SAMD11: variants seen among roughly 807,000 people sequenced by gnomAD.
SAMD11 encodes sterile alpha motif domain containing 11.
SAMD11 carries 77 observed loss-of-function variants against 64.4 expected under a neutral mutation model. That is an observed-to-expected ratio of 1.20 (90% CI 0.99 to 1.44). The LOEUF (loss-of-function observed/expected upper bound fraction) is 1.44. Ranked by LOEUF, SAMD11 falls within the 40% of genes most tolerant of loss-of-function variation. The pLI is 0.00. For missense variants in SAMD11, 1,402 were observed against 943.3 expected, an observed-to-expected ratio of 1.49 and a Z score of -6.37; for synonymous variants, 658 against 421.9, an observed-to-expected ratio of 1.56 and a Z score of -6.86.
At chr1:926,153 G>A (rs1640875557) in intron 2 of SAMD11, 140 bp downstream of exon 2, 8 of 814,902 alleles carry the variant, frequency 9.8e-6, no homozygotes, top group Non-Finnish European at 1.6e-5. Context: ...AGGGCAGGGG[G>A]AAGCGGCTTT....
At chr1:931,571 G>A (rs1197453844) in intron 4 of SAMD11, among the ~76,000 whole-genome samples, 1 of 152,200 alleles carries the variant, frequency 6.6e-6, no homozygotes, top group Non-Finnish European at 1.5e-5. Context: ...TAGGAGGGAC[G>A]AGGAGTGAAC....
chr1:930,290 G>C lies in SAMD11; in HGVS notation c.745G>C (p.Gly249Arg), dbSNP rs1355971288. The C allele has an allele frequency of 1.9e-6, 3 of 1,609,014 alleles. No homozygotes were observed. The highest frequency in any genetic ancestry group is 2.5e-6 in the Non-Finnish European group (3 of 1,178,140). ...TGGCCCCACCTGTGGGCGGCGGCCA[G>C]GCTTGAAGCAGGAGGATGGTCCGCA... is the stretch of plus-strand genomic sequence containing the variant. ...GSGPTCGRRP[G>R]LKQEDGPHIR... Residue 249 changes from glycine (G) to arginine (R), a missense_variant, in exon 3 of 14, where the codon GGC becomes CGC. Gly to Arg is a moderately radical substitution (Grantham distance 125). Coordinates refer to ENST00000616016, the MANE Select transcript of SAMD11 (RefSeq NM_001385641.1).
In SAMD11 at chr1:942,181, T is replaced by A. The variant is rs758508950; in HGVS notation, c.1404T>A (p.Pro468=). ...PPPLLSPQNA[P]HVALGPHLRP... ...CCTTGCTGTCGCCGCAGAATGCCCC[T>A]CACGTCGCCCTGGGCCCCCATCTCA... The change falls in exon 9 of 14, where the codon CCT becomes CCA. Residue 468 remains proline (P), a synonymous_variant. Transcript: ENST00000616016. 3 of 1,431,992 alleles carry A rather than the reference T, an allele frequency of 2.1e-6. No individual in the cohort carries two copies. Among genetic ancestry groups the A allele is most frequent in the African/African-American group, 2.9e-5 (2 of 68,156 alleles). 88.7% of individuals were successfully genotyped at this position (1,431,992 alleles called of 1,614,324 possible).
intron 5 of SAMD11, among the ~76,000 whole-genome samples, 166 bp downstream of exon 5, chr1:936,062 G>A (rs979199563): frequency 6.6e-6 from 1 of 152,230 alleles, no homozygotes; most frequent in Non-Finnish European, 1.5e-5. Flanking sequence ...CCCAGCCAGC[G>A]GGGCAGACAG....
In SAMD11 at chr1:924,477, C is replaced by T. The variant is rs1388965035; in HGVS notation, c.46C>T (p.Leu16=). The T allele has an allele frequency of 6.7e-6, 1 of 149,740 alleles. No homozygotes were observed. Among genetic ancestry groups the T allele is most frequent in the East Asian group, 1.9e-4 (1 of 5,148 alleles). 9.3% of individuals were successfully genotyped at this position (149,740 alleles called of 1,614,324 possible). ...KEFPGREDLA[L]ALATFHPTLA... ...GTTCCCGGGCCGCGAGGACCTGGCC[C>T]TGGCTCTGGCCACGTTCCACCCGAC... Residue 16 remains leucine, a synonymous_variant, in exon 1 of 14, where the codon CTG becomes TTG. Transcript: ENST00000616016.
In SAMD11 at chr1:943,429, C is replaced by T. The variant is rs191952374; in HGVS notation, c.2178+52C>T. The T allele has an allele frequency of 6.6e-3, 9,527 of 1,438,754 alleles. 61 individuals carry two copies. Among genetic ancestry groups the T allele is most frequent in the Non-Finnish European group, 8.2e-3 (8,754 of 1,065,008 alleles). The allele number at this position is 1,438,754 out of a possible 1,614,324, so 89.1% of individuals were successfully genotyped here. Reference sequence around the variant, plus strand: ...CGGGGCTGGAGCTGGCTGGCAGTCACTACCTCCCTGGAAAGGATGGTGGGG... The same window carrying T: ...CGGGGCTGGAGCTGGCTGGCAGTCATTACCTCCCTGGAAAGGATGGTGGGG... On this transcript the variant is annotated intron_variant, in intron 12 of 13. Coordinates refer to ENST00000616016, the MANE Select transcript of SAMD11 (RefSeq NM_001385641.1).
rs112419559 is a variant in SAMD11 at position 939,293 on chromosome 1, G to C, written c.1076G>C (p.Arg359Pro). The stretch of plus-strand genomic sequence containing the variant: ...CCAGCAGAGGCGCTGCTGCTGCCGC[G>C]GGAGCTGGGGCCCAGCATGGCCCCG... Reference protein sequence around the residue: ...ESPQEALLLPRELGPSMAPED... With the variant: ...ESPQEALLLPPELGPSMAPED... Residue 359 changes from arginine (R) to proline (P), a missense_variant, in exon 7 of 14, where the codon CGG (arginine) becomes CCG (proline). Coordinates refer to ENST00000616016, the MANE Select transcript of SAMD11 (RefSeq NM_001385641.1). The C allele has an allele frequency of 2.5e-6, 4 of 1,608,002 alleles. No homozygotes were observed. The African/African-American group carries it at 4.0e-5, about 16-fold the overall frequency.
rs1640777973 is a variant in SAMD11, at chr1:924,085, G to C, written c.-347G>C. 1 of 149,592 alleles carries C rather than the reference G, an allele frequency of 6.7e-6. No individual in the cohort carries two copies. Among genetic ancestry groups the C allele is most frequent in the African/African-American group, 2.4e-5 (1 of 41,094 alleles). 9.3% of individuals were successfully genotyped at this position (149,592 alleles called of 1,614,324 possible). ...GGCTCGGCCTGGCGGGTGGGTCGGC[G>C]AGCCGGGCGTGGGACTGCCCCGGGC... is the stretch of plus-strand genomic sequence containing the variant. On this transcript the variant is annotated 5_prime_UTR_variant, in exon 1 of 14. Coordinates refer to ENST00000616016, the MANE Select transcript of SAMD11 (RefSeq NM_001385641.1).
chr1:929,148 G>A (rs571858475), intron 2 of SAMD11, among the ~76,000 whole-genome samples: 9 of 152,344 alleles, frequency 5.9e-5, no homozygotes, highest in Non-Finnish European at 7.3e-5. Context: ...GGAGGAGTCC[G>A]GAAGTGCCTG....
rs780095200 is a variant in SAMD11, at chr1:944,177, CCACACAAATCTCCAGGAG to C, written c.*26_*43del. 5 of 1,518,264 alleles carry C rather than the reference CCACACAAATCTCCAGGAG, an allele frequency of 3.3e-6. No individual in the cohort carries two copies. Among genetic ancestry groups the C allele is most frequent in the Non-Finnish European group, 4.4e-6 (5 of 1,133,400 alleles). The allele number at this position is 1,518,264 out of a possible 1,614,324, so 94.0% of individuals were successfully genotyped here. A position where few individuals can be genotyped will look rare whatever the true frequency, so the allele number is the denominator to read the frequency against. ...GAGGTTGCCGGGGGTAGGGGTGGGG[CCACACAAATCTCCAGGAG>C]CCACCACTCAACACAATGGCCCTGC... is the stretch of plus-strand genomic sequence containing the variant. On this transcript the variant is annotated 3_prime_UTR_variant, in exon 14 of 14. Coordinates refer to ENST00000616016, the MANE Select transcript of SAMD11 (RefSeq NM_001385641.1).
rs1338225103 is a variant in SAMD11 at position 942,902 on chromosome 1, G to C, written c.1897G>C (p.Asp633His). The C allele has an allele frequency of 1.3e-6, 2 of 1,555,928 alleles. No individual in the cohort carries two copies. The highest frequency in any genetic ancestry group is 1.7e-6 in the Non-Finnish European group (2 of 1,150,134). The change falls in exon 11 of 14, where the codon GAC becomes CAC. Residue 633 changes from aspartate (D) to histidine (H), a missense_variant. By Grantham distance (81) the Asp-to-His change is moderately conservative. Transcript: ENST00000616016. Reference protein sequence around the residue: ...GSEDEPPKDSDGEDPETAAVG... With the variant: ...GSEDEPPKDSHGEDPETAAVG... ...GGAAGACGAGCCCCCCAAAGACTCGGACGGAGAGGACCCCGAGACGGCAGC... is the reference window on the plus strand; with the variant it reads ...GGAAGACGAGCCCCCCAAAGACTCGCACGGAGAGGACCCCGAGACGGCAGC...
Position 944,448 on chromosome 1 carries a change from T to G in SAMD11, c.*295T>G, listed in dbSNP as rs1158731527. 1.1e-6 allele frequency: 1 copy of G among 899,322 alleles called. No homozygotes were observed. Among genetic ancestry groups the G allele is most frequent in the Non-Finnish European group, 1.6e-6 (1 of 639,632 alleles). The allele number at this position is 899,322 out of a possible 1,614,324, so 55.7% of individuals were successfully genotyped here. A position where few individuals can be genotyped will look rare whatever the true frequency, so the allele number is the denominator to read the frequency against. ...TGGTCTCGGTCTGCTGACGTCAGGGTCAGCTCCCCCGCGGAGCTGACTTCA... is the reference window on the plus strand; with the variant it reads ...TGGTCTCGGTCTGCTGACGTCAGGGGCAGCTCCCCCGCGGAGCTGACTTCA... On this transcript the variant is annotated 3_prime_UTR_variant, in exon 14 of 14. Transcript: ENST00000616016.
chr1:933,827 T>C (rs1641281919), intron 4 of SAMD11, among the ~76,000 whole-genome samples: 1 of 151,868 alleles, frequency 6.6e-6, no homozygotes, highest in Non-Finnish European at 1.5e-5. Flanking sequence ...GAGCCCAGCC[T>C]GGGAGTCTTT....
chr1:942,100 C>G, intron 8 of SAMD11, 36 bp from the exon 9 acceptor site: 4 of 606,104 alleles, frequency 6.6e-6, no homozygotes, highest in East Asian at 7.0e-5. Flanking sequence ...GGAACGGGGG[C>G]GGGGGGGACG....
At chr1:940,123 C>T (rs1368553493) in intron 7 of SAMD11, among the ~76,000 whole-genome samples, 1 of 152,172 alleles carries the variant, frequency 6.6e-6, no homozygotes, top group African/African-American at 2.4e-5. Context: ...CACCAGGCAC[C>T]GTCCCCCAGG....
In SAMD11 at chr1:935,798, TA is replaced by T; in HGVS notation, c.870del (p.Ser291ProfsTer88). ...CSQDGNLPTL[I>X]SSVHRSRHLV... ...CAGGACGGCAACCTTCCCACCCTCA[TA>T]TCCAGCGTCCACCGCAGCCGCCACC... On this transcript the variant is annotated frameshift_variant, in exon 5 of 14. Transcript: ENST00000616016. LOFTEE classifies it high-confidence loss of function. 1 of 1,613,260 alleles carries T rather than the reference TA, an allele frequency of 6.2e-7. No individual in the cohort carries two copies. Among genetic ancestry groups the T allele is most frequent in the Non-Finnish European group, 8.5e-7 (1 of 1,179,822 alleles).
At chr1:925,605 A>G (rs1213643670) in intron 1 of SAMD11, 30 of 255,006 alleles carry the variant, frequency 1.2e-4, no homozygotes, top group Non-Finnish European at 3.8e-5. Flanking sequence ...TCCGGGACTC[A>G]GCCTTTCTGG....
At chr1:925,582 C>T (rs1569856934) in intron 1 of SAMD11, among the ~76,000 whole-genome samples, 1 of 152,282 alleles carries the variant, frequency 6.6e-6, no homozygotes, top group East Asian at 1.9e-4. Flanking sequence ...GTCCCGACGG[C>T]GCCGCTCACC....
In SAMD11 at chr1:941,300, C is replaced by A; in HGVS notation, c.1352C>A (p.Ser451Ter). 1.3e-6 allele frequency: 2 copies of A among 1,584,598 alleles called. No individual in the cohort carries two copies. The highest frequency in any genetic ancestry group is 1.7e-6 in the Non-Finnish European group (2 of 1,166,060). ...GAAPAAAPSF[S>*]ERELPQPPPL... ...GCCCCAGCTGCCGCCCCGTCCTTCTCGGAGAGGTACTGGGGTGGCTGCCGT... is the reference window on the plus strand; with the variant it reads ...GCCCCAGCTGCCGCCCCGTCCTTCTAGGAGAGGTACTGGGGTGGCTGCCGT... Residue 451 changes from serine to a stop codon, truncating the protein, a stop_gained, in exon 8 of 14, where the codon TCG becomes TAG. Coordinates refer to ENST00000616016, the MANE Select transcript of SAMD11 (RefSeq NM_001385641.1). LOFTEE classifies it high-confidence loss of function.
Sources: gnomAD v4.1 joint callset for allele counts (sites outside exome capture counted in the v4.1 genomes callset) on GRCh38, gnomAD v4.1.1 for gene constraint, MANE v1.5 for transcripts, NCBI Gene and HGNC (gene_info 2026-07-23, HGNC 2026-07-21) for gene names.